Variants in PCDHA11 observed in about 807,000 individuals in gnomAD.
PCDHA11 encodes the protein protocadherin alpha 11.
In PCDHA11, 61 loss-of-function variants were observed where a neutral mutation model predicts 70.3. That is an observed-to-expected ratio of 0.87 (90% CI 0.71 to 1.07). The LOEUF is 1.07. Among genes scored for constraint, PCDHA11 ranks in the 50% least tolerant of loss-of-function variants. The probability of loss-of-function intolerance (pLI) is 0.00; values close to 1 mark genes in which losing one functional copy is unlikely to be tolerated. For synonymous variants in PCDHA11, 633 were observed against 555.1 expected (o/e 1.14, Z -1.97); for missense variants, 1,324 against 1,237.5 (o/e 1.07, Z -1.05).
In PCDHA11 at chr5:140,937,039, C is replaced by CTT. The variant is rs34994034; in HGVS notation, c.2392-41895_2392-41894dup. On this transcript the variant is annotated intron_variant, in intron 1 of 3. Coordinates refer to ENST00000398640, the MANE Select transcript of PCDHA11 (RefSeq NM_018902.5). ...TAACAAGGTATATTCTTCCATTTATCTTTTTTTTTTTTTTTTGAGACGGAG... is the reference window on the plus strand; with the variant it reads ...TAACAAGGTATATTCTTCCATTTATCTTTTTTTTTTTTTTTTTTGAGACGGAG... 3.4e-3 allele frequency among the ~76,000 whole-genome samples: 476 copies of CTT among 140,122 alleles called. 6 individuals carry two copies. The highest frequency in any genetic ancestry group is 0.011 in the South Asian group (47 of 4,432). 91.9% of individuals were successfully genotyped at this position (140,122 alleles called of 152,430 possible).
At chr5:140,982,665 A>T in intron 3 of PCDHA11, 102 bp downstream of exon 3, 1 of 1,465,322 alleles carries the variant, frequency 6.8e-7, no homozygotes, top group Non-Finnish European at 9.0e-7. Context: ...TTTCTTTTAT[A>T]TTTTTGTTAT....
chr5:140,946,491 G>T (rs1292553232), intron 1 of PCDHA11, among the ~76,000 whole-genome samples: 2 of 151,676 alleles, frequency 1.3e-5, no homozygotes, highest in Middle Eastern at 3.4e-3. Context: ...CAAAGGAAAT[G>T]AAATCAGTAT....
At chr5:140,941,095 A>C (rs2092727620) in intron 1 of PCDHA11, among the ~76,000 whole-genome samples, 1 of 152,062 alleles carries the variant, frequency 6.6e-6, no homozygotes, top group South Asian at 2.1e-4. Flanking sequence ...TAGTTTTCAC[A>C]TACTATTACT....
chr5:140,870,442 G>C lies in PCDHA11; in HGVS notation c.1339G>C (p.Val447Leu), dbSNP rs1562644426. The change falls in exon 1 of 4, where the codon GTG becomes CTG. Residue 447 changes from valine to leucine, a missense_variant. Transcript: ENST00000398640. ...CAGGGTATCCGTGGAGGTGGCCGAC[G>C]TGAACGACAATGCGCCTGCGTTCGC... is the stretch of plus-strand genomic sequence containing the variant. ...TARVSVEVAD[V>L]NDNAPAFAQP... The C allele has an allele frequency of 1.2e-6, 2 of 1,614,236 alleles. No individual in the cohort carries two copies. The highest frequency in any genetic ancestry group is 1.7e-6 in the Non-Finnish European group (2 of 1,180,040).
intron 3 of PCDHA11, among the ~76,000 whole-genome samples, chr5:140,996,256 A>C (rs2097718697): frequency 6.6e-6 from 1 of 152,252 alleles, no homozygotes. Flanking sequence ...TGACAGCAAC[A>C]CAGAGCCTGG....
intron 3 of PCDHA11, among the ~76,000 whole-genome samples, chr5:140,985,001 G>A (rs1554246727): frequency 1.3e-5 from 2 of 151,944 alleles, no homozygotes; most frequent in South Asian, 2.1e-4. Flanking sequence ...CCAGTGGCAC[G>A]ATATCGGCTC....
rs1314333890 is a variant in PCDHA11, at chr5:141,000,908, T to TA, written c.2540-8708dup. ...GGGCAACAGATATAGACGCTGTCTCTAAAAAAAAAAATCCTGTGTGATTTA... is the reference window on the plus strand; with the variant it reads ...GGGCAACAGATATAGACGCTGTCTCTAAAAAAAAAAAATCCTGTGTGATTTA... On this transcript the variant is annotated intron_variant, in intron 3 of 3. Coordinates refer to ENST00000398640, the MANE Select transcript of PCDHA11 (RefSeq NM_018902.5). Among the ~76,000 whole-genome samples the TA allele has an allele frequency of 4.2e-4, 62 of 147,094 alleles. 1 individual carries two copies. Among genetic ancestry groups the TA allele is most frequent in the South Asian group, 3.0e-3 (14 of 4,626 alleles).
At chr5:140,964,009 A>G (rs1435043905) in intron 1 of PCDHA11, among the ~76,000 whole-genome samples, 1 of 152,160 alleles carries the variant, frequency 6.6e-6, no homozygotes, top group Non-Finnish European at 1.5e-5. Context: ...CTACTTTTTA[A>G]TAGAGAGCTC....
chr5:140,937,260 A>G (rs1427466170), intron 1 of PCDHA11, among the ~76,000 whole-genome samples: 1 of 151,830 alleles, frequency 6.6e-6, no homozygotes, highest in Non-Finnish European at 1.5e-5. Flanking sequence ...GATGGTCTCG[A>G]TCTCCTGACC....
In PCDHA11 at chr5:140,869,220, C is replaced by T. The variant is rs184355295; in HGVS notation, c.117C>T (p.Ala39=). 1,109 of 1,613,836 alleles carry T rather than the reference C, an allele frequency of 6.9e-4. 5 individuals are homozygous for T. The African/African-American group carries it at 0.013, about 19-fold the overall frequency. The change falls in exon 1 of 4, where the codon GCC becomes GCT. Residue 39 remains alanine, a synonymous_variant. Coordinates refer to ENST00000398640, the MANE Select transcript of PCDHA11 (RefSeq NM_018902.5). ...TCCACTACTCCGTCTCGGAGGAGGC[C>T]AAACACGGCACCTTCGTGGGCCGCA... The part of the protein sequence containing the change: ...GQLHYSVSEE[A]KHGTFVGRIA...
intron 1 of PCDHA11, chr5:140,883,164 A>G (rs559249411): frequency 1.2e-6 from 2 of 1,614,060 alleles, no homozygotes; most frequent in African/African-American, 1.3e-5. Context: ...AATCCGAACA[A>G]TGGAGAAATT....
At chr5:140,888,011 A>G (rs1554183291) in intron 1 of PCDHA11, among the ~76,000 whole-genome samples, 1 of 152,138 alleles carries the variant, frequency 6.6e-6, no homozygotes, top group African/African-American at 2.4e-5. Flanking sequence ...TCATCTTTTT[A>G]TCTATATGTT....
intron 1 of PCDHA11, among the ~76,000 whole-genome samples, chr5:140,894,725 G>A (rs3776121): frequency 0.31 from 47,403 of 151,506 alleles, 8,352 homozygotes; most frequent in East Asian, 0.53. Context: ...CAAATATTAC[G>A]TAGCAATTTG....
chr5:140,877,760 G>T, intron 1 of PCDHA11: 1 of 1,614,194 alleles, frequency 6.2e-7, no homozygotes, highest in Non-Finnish European at 8.5e-7. Flanking sequence ...TCTGCAGAGA[G>T]CCCGCCCAAG....
chr5:140,967,087 G>T (rs782556858), intron 1 of PCDHA11: 2 of 1,613,138 alleles, frequency 1.2e-6, no homozygotes, highest in East Asian at 4.5e-5. Flanking sequence ...GCATTGATCG[G>T]GAGGCGCTGT....
Position 140,870,860 on chromosome 5 carries a change from C to G in PCDHA11, c.1757C>G (p.Ala586Gly). The change falls in exon 1 of 4, where the codon GCG becomes GGG. Residue 586 changes from alanine to glycine, a missense_variant. Coordinates refer to ENST00000398640, the MANE Select transcript of PCDHA11 (RefSeq NM_018902.5). ...AAGCTAGTACCGCGGTCGGTGGGTG[C>G]GGGCCACGTGGTGGCGAAGGTGCGC... ...VNKLVPRSVG[A>G]GHVVAKVRAV... 6.2e-7 allele frequency: 1 copy of G among 1,613,882 alleles called. No individual in the cohort carries two copies. The highest frequency in any genetic ancestry group is 2.2e-5 in the East Asian group (1 of 44,868).
intron 1 of PCDHA11, chr5:140,882,896 T>G (rs1554176010): frequency 6.2e-7 from 1 of 1,614,212 alleles, no homozygotes. Flanking sequence ...GGAACATAGT[T>G]TATTACTGAC....
At chr5:140,886,107 G>T (rs1340579685) in intron 1 of PCDHA11, among the ~76,000 whole-genome samples, 2 of 152,142 alleles carry the variant, frequency 1.3e-5, no homozygotes, top group Non-Finnish European at 2.9e-5. Flanking sequence ...ATACAGTAAA[G>T]AAGTAACATA....
rs1314972050 is a variant in PCDHA11, at chr5:141,011,103, T to A, written c.*1166T>A. 6.5e-6 allele frequency: 1 copy of A among 153,762 alleles called. No individual in the cohort carries two copies. Among genetic ancestry groups the A allele is most frequent in the Non-Finnish European group, 1.5e-5 (1 of 68,036 alleles). The allele number at this position is 153,762 out of a possible 1,614,324, so 9.5% of individuals were successfully genotyped here. A position where few individuals can be genotyped will look rare whatever the true frequency, so the allele number is the denominator to read the frequency against. On this transcript the variant is annotated 3_prime_UTR_variant, in exon 4 of 4. Coordinates refer to ENST00000398640, the MANE Select transcript of PCDHA11 (RefSeq NM_018902.5). ...TGATCTCTCTTTCTCTCTCTCTCTC[T>A]CTTTTCTAAGAAACAATTATGTGCA... is the stretch of plus-strand genomic sequence containing the variant.
Sources: allele counts gnomAD v4.1 joint callset (sites outside exome capture counted in the v4.1 genomes callset), GRCh38; gene constraint gnomAD v4.1.1; transcripts MANE v1.5; gene names NCBI Gene and HGNC (gene_info 2026-07-23, HGNC 2026-07-21).